Variants in GSE1 observed in about 807,000 individuals in gnomAD.
The protein encoded by GSE1 is Gse1 coiled-coil protein, also known as genetic suppressor element 1.
GSE1 carries 32 observed loss-of-function variants against 112.6 expected under a neutral mutation model. That is an observed-to-expected ratio of 0.28 (90% CI 0.21 to 0.38). The LOEUF is 0.38. Among genes scored for constraint, GSE1 ranks in the 10% least tolerant of loss-of-function variants. The pLI is 1.00. For synonymous variants in GSE1, 1,115 were observed against 735.6 expected (o/e 1.52, Z -8.35); for missense variants, 2,348 against 1,699.2 (o/e 1.38, Z -6.71).
At position 85,257,639 on chromosome 16, in the gene GSE1, C is replaced by T. The variant is rs555853824; in HGVS notation, c.2283+85832C>T. Among the ~76,000 whole-genome samples, 15 of 152,310 alleles carry T rather than the reference C, an allele frequency of 9.8e-5. No homozygotes were observed. In the South Asian group the frequency reaches 2.7e-3, roughly 27 times the overall value. On this transcript the variant is annotated intron_variant, in intron 1 of 2. Transcript: ENST00000637419. ...AGCCTGGGCAACATAGTGAGACCCC[C>T]GTTTCTACAAAAAACTTAAAAATTG...
intron 2 of GSE1, among the ~76,000 whole-genome samples, chr16:85,543,958 C>T (rs2044612494): frequency 6.6e-6 from 1 of 152,208 alleles, no homozygotes; most frequent in East Asian, 1.9e-4. Flanking sequence ...CTGCCTCAGC[C>T]TCCCAAGTAG....
chr16:85,463,194 G>A, intron 2 of GSE1: 1 of 810,744 alleles, frequency 1.2e-6, no homozygotes, highest in Non-Finnish European at 1.5e-6. Context: ...TCTGGGGCGC[G>A]CCACCCACCC....
chr16:85,329,324 G>C (rs2046291053), intron 1 of GSE1, among the ~76,000 whole-genome samples: 1 of 152,200 alleles, frequency 6.6e-6, no homozygotes, highest in Non-Finnish European at 1.5e-5. Context: ...GCACCCGTGT[G>C]CTGTGAATAC....
intron 2 of GSE1, among the ~76,000 whole-genome samples, chr16:85,394,742 ATC>A (rs1179098446): frequency 6.6e-6 from 1 of 152,148 alleles, no homozygotes; most frequent in Non-Finnish European, 1.5e-5. Flanking sequence ...CCCCGAGAAC[ATC>A]TCTTTTTCTA....
intron 2 of GSE1, among the ~76,000 whole-genome samples, chr16:85,643,289 C>A (rs2050593385): frequency 6.6e-6 from 1 of 152,226 alleles, no homozygotes; most frequent in Non-Finnish European, 1.5e-5. Context: ...GACCTTCCTG[C>A]TCCAGCCACG....
At chr16:85,555,867 C>T (rs1303861861), upstream of GSE1, 1 of 707,206 alleles carries the variant, frequency 1.4e-6, no homozygotes, top group Non-Finnish European at 1.7e-6. Flanking sequence ...AAGATCTTAA[C>T]CCCCCAATTT....
chr16:85,508,463 A>G (rs1453081780), intron 2 of GSE1, among the ~76,000 whole-genome samples: 1 of 152,208 alleles, frequency 6.6e-6, no homozygotes, highest in Non-Finnish European at 1.5e-5. Flanking sequence ...AGGAGAAGCC[A>G]GCAGCTCCAG....
upstream of GSE1, among the ~76,000 whole-genome samples, chr16:85,612,656 C>T (rs541444542): frequency 7.7e-5 from 11 of 142,132 alleles, no homozygotes; most frequent in South Asian, 1.9e-3. Context: ...AGGCCAAGTT[C>T]TTAGTATTCA....
rs542134643 is a variant in GSE1 at position 85,534,373 on chromosome 16, C to T, written c.2465-99541C>T. Among the ~76,000 whole-genome samples, 11 of 152,186 alleles carry T rather than the reference C, an allele frequency of 7.2e-5. No individual in the cohort carries two copies. The South Asian group carries it at 1.2e-3, about 17-fold the overall frequency. On this transcript the variant is annotated intron_variant, in intron 2 of 2. Coordinates refer to the GSE1 transcript ENST00000637419. ...CTGACCTCAAGTGATCCGCCCACCT[C>T]GGCCTCCCAAAGTGCTGGGATTACA... is the stretch of plus-strand genomic sequence containing the variant.
chr16:85,514,576 G>A (rs559254189), intron 2 of GSE1, among the ~76,000 whole-genome samples: 1 of 152,300 alleles, frequency 6.6e-6, no homozygotes, highest in East Asian at 1.9e-4. Flanking sequence ...CTCCGGGAAG[G>A]CGGCCAGCCC....
intron 2 of GSE1, among the ~76,000 whole-genome samples, chr16:85,442,124 T>C (rs1481480580): frequency 6.6e-6 from 1 of 152,228 alleles, no homozygotes; most frequent in African/African-American, 2.4e-5. Context: ...GGCCTGGAGA[T>C]CCTTCTGCCA....
At chr16:85,554,428 G>A (rs998017884), upstream of GSE1, among the ~76,000 whole-genome samples, 1 of 152,182 alleles carries the variant, frequency 6.6e-6, no homozygotes, top group East Asian at 1.9e-4. Flanking sequence ...GGGGCTTGCA[G>A]AATCCCAGTA....
intron 14 of GSE1, 105 bp downstream of exon 14, chr16:85,668,529 T>C (rs1405538893): frequency 5.3e-6 from 4 of 761,454 alleles, no homozygotes; most frequent in Non-Finnish European, 8.5e-6. Context: ...GGGGACTGTT[T>C]CTCCGTCCTG....
intron 1 of GSE1, among the ~76,000 whole-genome samples, chr16:85,214,977 G>A (rs2075285272): frequency 6.6e-6 from 1 of 152,220 alleles, no homozygotes; most frequent in Non-Finnish European, 1.5e-5. Context: ...CGGGTGGCGG[G>A]TGGGTGGAGA....
chr16:85,340,867 C>T lies in GSE1; in HGVS notation c.2284-16596C>T, dbSNP rs920450940. ...CTGGAGCCCTGAGCTGCTCCACTCCCGGCTCTGCCCAGGCCCCCAGTCTAG... is the reference window on the plus strand; with the variant it reads ...CTGGAGCCCTGAGCTGCTCCACTCCTGGCTCTGCCCAGGCCCCCAGTCTAG... On this transcript the variant is annotated intron_variant, in intron 1 of 2. Coordinates refer to the GSE1 transcript ENST00000637419. Among the ~76,000 whole-genome samples, 6 of 152,194 alleles carry T rather than the reference C, an allele frequency of 3.9e-5. No individual in the cohort carries two copies. The South Asian group carries it at 8.3e-4, about 21-fold the overall frequency.
chr16:85,610,154 C>G (rs371917100), upstream of GSE1, among the ~76,000 whole-genome samples: 1 of 152,216 alleles, frequency 6.6e-6, no homozygotes, highest in Non-Finnish European at 1.5e-5. Context: ...CAAACGCGCA[C>G]CAGGCACCAG....
At chr16:85,540,344 G>C (rs1269594945) in intron 2 of GSE1, among the ~76,000 whole-genome samples, 2 of 152,170 alleles carry the variant, frequency 1.3e-5, no homozygotes, top group African/African-American at 4.8e-5. Context: ...TCACACAGGG[G>C]CTGGTCAAGT....
chr16:85,300,397 A>T (rs1037615564), intron 1 of GSE1, among the ~76,000 whole-genome samples: 1 of 152,070 alleles, frequency 6.6e-6, no homozygotes, highest in Non-Finnish European at 1.5e-5. Context: ...CTAGTTCCCA[A>T]ACTTTCTCCT....
chr16:85,590,370 AGTGTGT>A (rs770455531), intron 1 of GSE1, among the ~76,000 whole-genome samples: 4 of 135,816 alleles, frequency 2.9e-5, no homozygotes, highest in Middle Eastern at 4.9e-3. Context: ...AATGAGTGTG[AGTGTGT>A]GAGATTGTGT....
Sources: gnomAD v4.1 joint callset for allele counts (sites outside exome capture counted in the v4.1 genomes callset) on GRCh38, gnomAD v4.1.1 for gene constraint, MANE v1.5 for transcripts, NCBI Gene and HGNC (gene_info 2026-07-23, HGNC 2026-07-21) for gene names.